The following CNTNAP2 variants were observed in gnomAD, a reference collection of about 807,000 sequenced individuals.
CNTNAP2 encodes contactin associated protein 2.
Under a neutral mutation model 155.2 loss-of-function variants are expected in CNTNAP2, and 98 were observed. That is an observed-to-expected ratio of 0.63 (90% CI 0.54 to 0.75). The LOEUF (loss-of-function observed/expected upper bound fraction) is 0.75, where lower values mean the gene tolerates loss of function less well. Ranked by LOEUF, CNTNAP2 falls within the 30% of genes least tolerant of loss-of-function variation. The pLI is 0.00. For synonymous variants in CNTNAP2, 651 were observed against 631.2 expected (o/e 1.03, Z -0.47); for missense variants, 1,727 against 1,688.1 (o/e 1.02, Z -0.40).
At chr7:147,474,240 C>A (rs923966495) in intron 10 of CNTNAP2, among the ~76,000 whole-genome samples, 1 of 151,806 alleles carries the variant, frequency 6.6e-6, no homozygotes, top group South Asian at 2.1e-4. Flanking sequence ...GATGGGGTTG[C>A]AGAGATTAGA....
intron 3 of CNTNAP2, among the ~76,000 whole-genome samples, chr7:146,868,412 T>A (rs1404532286): frequency 6.6e-6 from 1 of 152,186 alleles, no homozygotes; most frequent in African/African-American, 2.4e-5. Context: ...CTGTTTTCAT[T>A]CCTTTAGCCT....
At chr7:146,586,887 A>G (rs929765178) in intron 1 of CNTNAP2, among the ~76,000 whole-genome samples, 1 of 152,168 alleles carries the variant, frequency 6.6e-6, no homozygotes. Flanking sequence ...CTCTTCAAAA[A>G]ATAATTGTCA....
intron 1 of CNTNAP2, among the ~76,000 whole-genome samples, chr7:146,385,251 G>C (rs1330318062): frequency 3.9e-5 from 6 of 151,970 alleles, no homozygotes; most frequent in African/African-American, 1.5e-4. Flanking sequence ...CTCTTCCAGG[G>C]CTAGAAAAGT....
chr7:148,038,849 T>C (rs1474134101), intron 15 of CNTNAP2, among the ~76,000 whole-genome samples: 2 of 151,744 alleles, frequency 1.3e-5, no homozygotes, highest in African/African-American at 4.8e-5. Context: ...GATGGATGGA[T>C]GGATGGATGG....
chr7:148,338,103 T>G (rs992061255), intron 21 of CNTNAP2, among the ~76,000 whole-genome samples: 3 of 152,132 alleles, frequency 2.0e-5, no homozygotes, highest in Non-Finnish European at 2.9e-5. Context: ...ATCCTGTACT[T>G]CCAGCCCCTG....
At chr7:146,496,181 C>T (rs1254323158) in intron 1 of CNTNAP2, among the ~76,000 whole-genome samples, 3 of 152,106 alleles carry the variant, frequency 2.0e-5, no homozygotes, top group Non-Finnish European at 4.4e-5. Flanking sequence ...GGGTGATGAT[C>T]AAGTCTCCTA....
intron 1 of CNTNAP2, among the ~76,000 whole-genome samples, chr7:146,395,946 G>T (rs1795620390): frequency 7.5e-6 from 1 of 132,454 alleles, no homozygotes; most frequent in Non-Finnish European, 1.5e-5. Context: ...AAGATTTTAA[G>T]TTGCATCATT....
intron 13 of CNTNAP2, among the ~76,000 whole-genome samples, chr7:147,873,537 A>C (rs190163844): frequency 2.2e-4 from 34 of 151,996 alleles, no homozygotes; most frequent in African/African-American, 8.0e-4. Flanking sequence ...CACAGGAAAA[A>C]CCCACCCCCA....
chr7:146,358,046 A>ATTTT (rs1398659464), intron 1 of CNTNAP2, among the ~76,000 whole-genome samples: 49 of 150,248 alleles, frequency 3.3e-4, no homozygotes, highest in African/African-American at 1.2e-3. Flanking sequence ...TTATTTATTT[A>ATTTT]TTTTTTGAGA....
intron 1 of CNTNAP2, among the ~76,000 whole-genome samples, chr7:146,263,159 A>T (rs2129081930): frequency 6.6e-6 from 1 of 152,210 alleles, no homozygotes; most frequent in East Asian, 1.9e-4. Flanking sequence ...TCTACCAAAG[A>T]TACAAAAAAA....
chr7:147,929,770 C>T (rs1800464295), intron 14 of CNTNAP2, among the ~76,000 whole-genome samples: 1 of 152,146 alleles, frequency 6.6e-6, no homozygotes, highest in Admixed American at 6.5e-5. Context: ...GAGCAGTGTT[C>T]CCCAGCCTTT....
intron 12 of CNTNAP2, among the ~76,000 whole-genome samples, chr7:147,621,166 A>T (rs1413441860): frequency 6.6e-6 from 1 of 152,118 alleles, no homozygotes; most frequent in Non-Finnish European, 1.5e-5. Flanking sequence ...AGAAATAAAG[A>T]CTTTTCTAGA....
At chr7:146,162,422 G>T (rs974196433) in intron 1 of CNTNAP2, among the ~76,000 whole-genome samples, 1 of 152,174 alleles carries the variant, frequency 6.6e-6, no homozygotes, top group Admixed American at 6.5e-5. Context: ...ATCATCACTG[G>T]CCATGAGAGA....
chr7:146,145,638 A>G (rs1008936119), intron 1 of CNTNAP2, among the ~76,000 whole-genome samples: 3 of 152,150 alleles, frequency 2.0e-5, no homozygotes, highest in Admixed American at 1.3e-4. Context: ...TCCTTGTCCA[A>G]TTGTCCCCTA....
At chr7:146,558,309 G>A (rs1442521105) in intron 1 of CNTNAP2, among the ~76,000 whole-genome samples, 1 of 152,140 alleles carries the variant, frequency 6.6e-6, no homozygotes, top group African/African-American at 2.4e-5. Flanking sequence ...TTTCAGTAAT[G>A]AGAAATCATT....
At chr7:147,916,167 CCT>C (rs1800156999) in intron 14 of CNTNAP2, among the ~76,000 whole-genome samples, 1 of 152,080 alleles carries the variant, frequency 6.6e-6, no homozygotes, top group Admixed American at 6.6e-5. Context: ...TTTCTGCAGC[CCT>C]GTGAGTGAAA....
chr7:147,691,822 G>A (rs1048081444), intron 13 of CNTNAP2, among the ~76,000 whole-genome samples: 2 of 152,020 alleles, frequency 1.3e-5, no homozygotes, highest in African/African-American at 4.8e-5. Context: ...TCCCACACCA[G>A]AGTGGCTTGA....
intron 11 of CNTNAP2, among the ~76,000 whole-genome samples, chr7:147,509,531 C>T (rs911974386): frequency 2.6e-5 from 4 of 152,092 alleles, no homozygotes; most frequent in African/African-American, 4.8e-5. Context: ...CTTCATTGTG[C>T]TTTTTCTTTC....
At chr7:147,034,892 G>A (rs1380832502) in intron 3 of CNTNAP2, among the ~76,000 whole-genome samples, 7 of 152,184 alleles carry the variant, frequency 4.6e-5, no homozygotes, top group Non-Finnish European at 7.4e-5. Context: ...AGGGTGTGGA[G>A]GGCCAGAGTG....
Sources: allele counts gnomAD v4.1 joint callset (sites outside exome capture counted in the v4.1 genomes callset), GRCh38; gene constraint gnomAD v4.1.1; transcripts MANE v1.5; gene names NCBI Gene and HGNC (gene_info 2026-07-23, HGNC 2026-07-21).